Variants in CNTN5 observed in about 807,000 individuals in gnomAD.
CNTN5 encodes contactin 5.
Under a neutral mutation model 129.1 loss-of-function variants are expected in CNTN5, and 77 were observed. The ratio of observed to expected loss-of-function variants is 0.60; its 90% confidence interval spans 0.50 to 0.72. The LOEUF (loss-of-function observed/expected upper bound fraction) is 0.72, where lower values mean the gene tolerates loss of function less well. CNTN5 is among the 30% of genes least tolerant of loss of function. CNTN5 has a pLI of 0.00. For synonymous variants in CNTN5, 509 were observed against 465.6 expected (o/e 1.09, Z -1.20); for missense variants, 1,478 against 1,328.8 (o/e 1.11, Z -1.75).
Position 99,819,624 on chromosome 11 carries a change from T to G in CNTN5, c.136T>G (p.Phe46Val). The G allele has an allele frequency of 6.2e-7, 1 of 1,613,082 alleles. No individual in the cohort carries two copies. Among genetic ancestry groups the G allele is most frequent in the Non-Finnish European group, 8.5e-7 (1 of 1,179,836 alleles). Reference sequence around the variant, plus strand: ...TAAGAAGAGTTCATCTTCATCTCTCTTTGGTTCCAAAACCAGACCACGATA... The same window carrying G: ...TAAGAAGAGTTCATCTTCATCTCTCGTTGGTTCCAAAACCAGACCACGATA... Reference protein sequence around the residue: ...RIKKSSSSSLFGSKTRPRYSS... With the variant: ...RIKKSSSSSLVGSKTRPRYSS... The change falls in exon 4 of 25, where the codon TTT (phenylalanine) becomes GTT (valine). Residue 46 changes from phenylalanine (F) to valine (V), a missense_variant. Transcript: ENST00000524871.
intron 13 of CNTN5, among the ~76,000 whole-genome samples, chr11:100,121,529 C>G (rs542778371): frequency 6.6e-6 from 1 of 151,844 alleles, no homozygotes; most frequent in East Asian, 1.9e-4. Context: ...GCAATTGTTC[C>G]TCTCCTTGGT....
intron 1 of CNTN5, among the ~76,000 whole-genome samples, chr11:99,055,749 C>T (rs1485903240): frequency 2.0e-5 from 3 of 151,966 alleles, no homozygotes; most frequent in Admixed American, 6.6e-5. Context: ...TTCCCAAATG[C>T]ATGCTGCCCC....
chr11:99,928,538 A>G (rs1359756935), intron 7 of CNTN5, among the ~76,000 whole-genome samples: 2 of 152,180 alleles, frequency 1.3e-5, no homozygotes, highest in East Asian at 1.9e-4. Context: ...ACCACATGGA[A>G]GATGCCAAAG....
chr11:99,893,295 C>T (rs1227806772), intron 6 of CNTN5, among the ~76,000 whole-genome samples: 1 of 152,112 alleles, frequency 6.6e-6, no homozygotes, highest in Non-Finnish European at 1.5e-5. Context: ...AGCACATGTT[C>T]TTATTTGTCA....
chr11:99,759,821 A>C (rs1202610414), intron 3 of CNTN5, among the ~76,000 whole-genome samples: 1 of 152,108 alleles, frequency 6.6e-6, no homozygotes, highest in African/African-American at 2.4e-5. Flanking sequence ...TTAATGTAAA[A>C]AAGTATTTAA....
chr11:99,671,148 GT>G (rs1555071209), intron 3 of CNTN5, among the ~76,000 whole-genome samples: 11 of 125,738 alleles, frequency 8.7e-5, no homozygotes, highest in East Asian at 3.2e-4. Context: ...TGTAGATTGA[GT>G]TTTTTTTTTT....
At chr11:99,696,846 T>C (rs544427717) in intron 3 of CNTN5, among the ~76,000 whole-genome samples, 2 of 151,988 alleles carry the variant, frequency 1.3e-5, no homozygotes, top group Non-Finnish European at 2.9e-5. Flanking sequence ...ACCCACACTG[T>C]GTAAGACCCA....
At chr11:100,334,117 A>G (rs1951972967) in intron 21 of CNTN5, among the ~76,000 whole-genome samples, 1 of 152,208 alleles carries the variant, frequency 6.6e-6, no homozygotes. Flanking sequence ...AAAGTGGGCA[A>G]AGAACATGAA....
chr11:99,644,654 GTCAAT>G (rs1302186426), intron 3 of CNTN5, among the ~76,000 whole-genome samples: 1 of 152,000 alleles, frequency 6.6e-6, no homozygotes, highest in African/African-American at 2.4e-5. Context: ...TTGCTTGTTG[GTCAAT>G]TCAACTAAAT....
chr11:100,131,621 G>A (rs1027091813), intron 13 of CNTN5, among the ~76,000 whole-genome samples: 3 of 151,824 alleles, frequency 2.0e-5, no homozygotes, highest in African/African-American at 7.3e-5. Context: ...AGGGAACAAA[G>A]CCCACTGCCT....
At chr11:100,146,928 C>A (rs542037951) in intron 13 of CNTN5, among the ~76,000 whole-genome samples, 1 of 152,270 alleles carries the variant, frequency 6.6e-6, no homozygotes, top group African/African-American at 2.4e-5. Flanking sequence ...TCTCCATTTT[C>A]ATCATTGCCT....
intron 18 of CNTN5, among the ~76,000 whole-genome samples, chr11:100,280,913 T>C (rs1294513506): frequency 1.3e-5 from 2 of 152,150 alleles, no homozygotes; most frequent in South Asian, 2.1e-4. Context: ...TTTAAGCCGG[T>C]AATAACTTAT....
At chr11:99,763,847 ATATTAAATT>A (rs910484841) in intron 3 of CNTN5, among the ~76,000 whole-genome samples, 1 of 151,938 alleles carries the variant, frequency 6.6e-6, no homozygotes, top group Non-Finnish European at 1.5e-5. Context: ...GCATAACCAT[ATATTAAATT>A]GAAAAAAATT....
intron 3 of CNTN5, among the ~76,000 whole-genome samples, chr11:99,763,535 A>G (rs887142236): frequency 5.3e-5 from 8 of 152,140 alleles, no homozygotes; most frequent in African/African-American, 1.7e-4. Context: ...ATTAAGTAAC[A>G]TTGTTACAAC....
intron 3 of CNTN5, among the ~76,000 whole-genome samples, chr11:99,597,458 C>T (rs1192962008): frequency 6.6e-6 from 1 of 151,886 alleles, no homozygotes; most frequent in Non-Finnish European, 1.5e-5. Flanking sequence ...CAAGCCCGTC[C>T]AAAGAGTAGT....
chr11:99,660,523 C>T (rs554307244), intron 3 of CNTN5, among the ~76,000 whole-genome samples: 2 of 151,932 alleles, frequency 1.3e-5, no homozygotes, highest in African/African-American at 4.8e-5. Context: ...ATAAAACTGA[C>T]AAATTATTTT....
rs752018734 is a variant in CNTN5 at position 100,074,166 on chromosome 11, G to C, written c.1452G>C (p.Leu484=). 6.2e-7 allele frequency: 1 copy of C among 1,612,594 alleles called. No individual in the cohort carries two copies. Among genetic ancestry groups the C allele is most frequent in the Non-Finnish European group, 8.5e-7 (1 of 1,179,246 alleles). The change falls in exon 13 of 25, where the codon CTG becomes CTC. Residue 484 remains leucine (L), a synonymous_variant. Transcript: ENST00000524871. The part of the protein sequence containing the change: ...KILASAPTFA[L]NQLKKTIIVT... ...TAGCTTCAGCTCCCACTTTTGCACTGAATCAACTGAAGAAAACAATAATTG... is the reference window on the plus strand; with the variant it reads ...TAGCTTCAGCTCCCACTTTTGCACTCAATCAACTGAAGAAAACAATAATTG...
chr11:99,526,182 T>C (rs577764354), intron 2 of CNTN5, among the ~76,000 whole-genome samples: 83 of 152,276 alleles, frequency 5.5e-4, no homozygotes, highest in African/African-American at 1.9e-3. Context: ...CTTGATCTAA[T>C]AATAAAGAAG....
intron 17 of CNTN5, among the ~76,000 whole-genome samples, chr11:100,263,425 A>C (rs1019872312): frequency 1.3e-5 from 2 of 152,176 alleles, no homozygotes; most frequent in Non-Finnish European, 2.9e-5. Flanking sequence ...AAATTTGTTT[A>C]TCTATATGCA....
Sources: allele counts gnomAD v4.1 joint callset (sites outside exome capture counted in the v4.1 genomes callset), GRCh38; gene constraint gnomAD v4.1.1; transcripts MANE v1.5; gene names NCBI Gene and HGNC (gene_info 2026-07-23, HGNC 2026-07-21).